Variants in RSPH4A observed in about 807,000 individuals in gnomAD.
RSPH4A encodes the protein radial spoke head protein 4 homolog A.
A neutral mutation model predicts 71.0 loss-of-function variants in RSPH4A; 47 were observed. The observed-to-expected ratio is 0.66, with a 90% confidence interval of 0.52 to 0.84. RSPH4A has a LOEUF of 0.84. RSPH4A is among the 40% of genes least tolerant of loss of function. The probability of loss-of-function intolerance (pLI) is 0.00; values close to 1 mark genes in which losing one functional copy is unlikely to be tolerated. For missense variants in RSPH4A, 793 were observed against 855.2 expected, an observed-to-expected ratio of 0.93 and a Z score of 0.91; for synonymous variants, 282 against 302.3, an observed-to-expected ratio of 0.93 and a Z score of 0.70.
chr6:116,628,931 T>C (rs1017790214), intron 3 of RSPH4A, among the ~76,000 whole-genome samples: 3 of 152,120 alleles, frequency 2.0e-5, no homozygotes, highest in African/African-American at 7.2e-5. Context: ...ATAGTATTAT[T>C]ATCCTTAATT....
At chr6:116,629,475 A>G (rs901693101) in intron 3 of RSPH4A, 92 bp from the exon 4 acceptor site, 5 of 1,249,938 alleles carry the variant, frequency 4.0e-6, no homozygotes, top group South Asian at 3.7e-5. Flanking sequence ...AAATTCCCAC[A>G]GAGTTACACT....
chr6:116,619,849 G>T (rs1775572182), intron 1 of RSPH4A, among the ~76,000 whole-genome samples: 1 of 152,092 alleles, frequency 6.6e-6, no homozygotes, highest in Non-Finnish European at 1.5e-5. Flanking sequence ...CTCCCAAGTA[G>T]CTGGGACTAC....
intron 5 of RSPH4A, 68 bp from the exon 6 acceptor site, chr6:116,632,139 C>T: frequency 8.6e-7 from 1 of 1,167,804 alleles, no homozygotes; most frequent in South Asian, 1.3e-5. Flanking sequence ...TTTAATATTA[C>T]AGAAGGGTCA....
chr6:116,623,710 T>A (rs1332345977), intron 2 of RSPH4A, among the ~76,000 whole-genome samples: 1 of 152,230 alleles, frequency 6.6e-6, no homozygotes, highest in Non-Finnish European at 1.5e-5. Flanking sequence ...ACAAGTTGCA[T>A]GTTTATTAGA....
Position 116,632,886 on chromosome 6 carries a change from G to C in RSPH4A, c.*445G>C, listed in dbSNP as rs1474567663. On this transcript the variant is annotated 3_prime_UTR_variant, in exon 6 of 6. Coordinates refer to ENST00000229554, the MANE Select transcript of RSPH4A (RefSeq NM_001010892.3). ...TCAATACTTTTTAAAGAGTGTCAAG[G>C]GGTATGAAGACAAAAAATATTGATA... 2 of 192,272 alleles carry C rather than the reference G, an allele frequency of 1.0e-5. No homozygotes were observed. Among genetic ancestry groups the C allele is most frequent in the Non-Finnish European group, 2.2e-5 (2 of 91,994 alleles). The allele number at this position is 192,272 out of a possible 1,614,324, so 11.9% of individuals were successfully genotyped here.
chr6:116,618,182 C>T (rs1043286796), intron 1 of RSPH4A, among the ~76,000 whole-genome samples: 1 of 152,226 alleles, frequency 6.6e-6, no homozygotes, highest in African/African-American at 2.4e-5. Flanking sequence ...TGGCTGTTCC[C>T]TCTGCCCAGA....
intron 2 of RSPH4A, among the ~76,000 whole-genome samples, chr6:116,625,385 TGA>T (rs1775678071): frequency 6.6e-6 from 1 of 152,180 alleles, no homozygotes; most frequent in Admixed American, 6.5e-5. Flanking sequence ...ATTGTGGGTT[TGA>T]GAGAGTGATG....
In RSPH4A at chr6:116,616,965, G is replaced by A. The variant is rs577977924; in HGVS notation, c.342G>A (p.Thr114=). The part of the protein sequence containing the change: ...LAAPPQSDRT[T]SVIPEAGTPY... Reference sequence around the variant, plus strand: ...CACCACCTCAGTCGGACAGGACCACGAGTGTGATTCCTGAAGCTGGGACAC... The same window carrying A: ...CACCACCTCAGTCGGACAGGACCACAAGTGTGATTCCTGAAGCTGGGACAC... The change falls in exon 1 of 6, where the codon ACG becomes ACA. Residue 114 remains threonine (T), a synonymous_variant. Coordinates refer to ENST00000229554, the MANE Select transcript of RSPH4A (RefSeq NM_001010892.3). 5.5e-5 allele frequency: 88 copies of A among 1,614,206 alleles called. No individual in the cohort carries two copies. In the East Asian group the frequency reaches 2.0e-3, roughly 36 times the overall value.
intron 4 of RSPH4A, 89 bp downstream of exon 4, chr6:116,629,791 C>T: frequency 7.9e-7 from 1 of 1,258,742 alleles, no homozygotes; most frequent in Non-Finnish European, 1.1e-6. Flanking sequence ...AGTCGGAAAG[C>T]TCTAAAAACT....
chr6:116,630,667 GT>G (rs11459167), intron 5 of RSPH4A, 115 bp downstream of exon 5: 19,434 of 239,474 alleles, frequency 0.081, no homozygotes, highest in South Asian at 0.11. Flanking sequence ...TTTTTTTCGT[GT>G]TTTTTTTTTT....
intron 2 of RSPH4A, among the ~76,000 whole-genome samples, chr6:116,625,714 A>G (rs1000756309): frequency 1.3e-5 from 2 of 152,226 alleles, no homozygotes; most frequent in African/African-American, 4.8e-5. Flanking sequence ...CTAACTACTT[A>G]AATATTGAAG....
intron 5 of RSPH4A, 86 bp from the exon 6 acceptor site, chr6:116,632,121 C>T: frequency 2.1e-6 from 2 of 937,756 alleles, no homozygotes; most frequent in Non-Finnish European, 3.3e-6. Context: ...CCATGATATT[C>T]TAAGCACTTT....
At chr6:116,617,421 T>C (rs970353601) in intron 1 of RSPH4A, 112 bp downstream of exon 1, 6 of 775,324 alleles carry the variant, frequency 7.7e-6, no homozygotes, top group African/African-American at 3.5e-5. Context: ...TGAAAGATTG[T>C]GTTAGTAAAA....
intron 5 of RSPH4A, among the ~76,000 whole-genome samples, chr6:116,630,847 ATT>A (rs10694358): frequency 5.7e-5 from 5 of 87,610 alleles, no homozygotes; most frequent in African/African-American, 1.9e-4. Context: ...TAATTTTTGT[ATT>A]TTTTTTTTTT....
rs2115350772 is a variant in RSPH4A at position 116,616,638 on chromosome 6, C to A, written c.15C>A (p.Thr5=). The A allele has an allele frequency of 1.9e-6, 3 of 1,613,226 alleles. No individual in the cohort carries two copies. Among genetic ancestry groups the A allele is most frequent in the Non-Finnish European group, 2.5e-6 (3 of 1,179,620 alleles). Residue 5 remains threonine, a synonymous_variant, in exon 1 of 6, where the codon ACC becomes ACA. Coordinates refer to ENST00000229554, the MANE Select transcript of RSPH4A (RefSeq NM_001010892.3). The part of the protein sequence containing the change: MEDS[T]SPKQEKENQE... ...GAACTGCTTCCATGGAGGACTCAAC[C>A]TCCCCGAAGCAAGAAAAAGAAAACC...
chr6:116,629,831 CATTCATGTTCTGGGATG>C lies in RSPH4A; in HGVS notation c.1798+132_1798+148del, dbSNP rs532830838. 953 of 825,724 alleles carry C rather than the reference CATTCATGTTCTGGGATG, an allele frequency of 1.2e-3. 6 individuals are homozygous for C. In the African/African-American group the frequency reaches 0.015, roughly 13 times the overall value. 51.1% of individuals were successfully genotyped at this position (825,724 alleles called of 1,614,324 possible). A position where few individuals can be genotyped will look rare whatever the true frequency, so the allele number is the denominator to read the frequency against. On this transcript the variant is annotated intron_variant, in intron 4 of 5. Transcript: ENST00000229554. Reference sequence around the variant, plus strand: ...AGGAGCCAAGGTCTCATCCTCTTCCCATTCATGTTCTGGGATGATAGGGAGTGAAGAATGTAGCTGGC... The same window carrying C: ...AGGAGCCAAGGTCTCATCCTCTTCCCATAGGGAGTGAAGAATGTAGCTGGC...
chr6:116,620,304 C>T (rs181257020), intron 1 of RSPH4A, among the ~76,000 whole-genome samples: 93 of 152,244 alleles, frequency 6.1e-4, no homozygotes, highest in African/African-American at 2.2e-3. Flanking sequence ...TTTCCAAATG[C>T]TGTCTCTGAG....
At chr6:116,623,490 CTT>C (rs1237479969) in intron 2 of RSPH4A, among the ~76,000 whole-genome samples, 12 of 152,014 alleles carry the variant, frequency 7.9e-5, no homozygotes, top group Admixed American at 2.0e-4. Flanking sequence ...TTAGGGATTT[CTT>C]GTTTTTTTCA....
chr6:116,617,318 C>G lies in RSPH4A; in HGVS notation c.686+9C>G. The G allele has an allele frequency of 6.2e-7, 1 of 1,600,728 alleles. No individual in the cohort carries two copies. The highest frequency in any genetic ancestry group is 1.1e-5 in the South Asian group (1 of 89,822). On this transcript the variant is annotated intron_variant, in intron 1 of 5. Transcript: ENST00000229554. The stretch of plus-strand genomic sequence containing the variant: ...AATTCGGGCTTTAATCTGTAAGTCT[C>G]AGAGGGAAAAAAGATAAATGTTTGG...
Sources: gnomAD v4.1 joint callset for allele counts (sites outside exome capture counted in the v4.1 genomes callset) on GRCh38, gnomAD v4.1.1 for gene constraint, MANE v1.5 for transcripts, NCBI Gene and HGNC (gene_info 2026-07-23, HGNC 2026-07-21) for gene names.